Variants in FAP observed in about 807,000 individuals in gnomAD.
The protein encoded by FAP is fibroblast activation protein alpha.
Under a neutral mutation model 126.5 loss-of-function variants are expected in FAP, and 110 were observed. The observed-to-expected ratio is 0.87, with a 90% CI of 0.74 to 1.02. FAP has a LOEUF of 1.02. FAP is among the 50% of genes least tolerant of loss of function. The pLI is 0.00. For synonymous variants in FAP, 334 were observed against 297.3 expected (o/e 1.12, Z -1.27); for missense variants, 919 against 909.2 (o/e 1.01, Z -0.14).
Position 162,225,472 on chromosome 2 carries a change from T to A in FAP, c.285+11A>T, listed in dbSNP as rs2106286104. 2 of 1,594,232 alleles carry A rather than the reference T, an allele frequency of 1.3e-6. No individual in the cohort carries two copies. Among genetic ancestry groups the A allele is most frequent in the East Asian group, 4.5e-5 (2 of 44,346 alleles). ...AGGTTTCTGAGGGGGAAGATGATGT[T>A]GGATACATACCATGGTTCTATTACT... On this transcript the variant is annotated intron_variant, in intron 4 of 25. Coordinates refer to ENST00000188790, the MANE Select transcript of FAP (RefSeq NM_004460.5).
chr2:162,181,636 T>C (rs1687699144), intron 21 of FAP, among the ~76,000 whole-genome samples: 1 of 152,202 alleles, frequency 6.6e-6, no homozygotes, highest in Non-Finnish European at 1.5e-5. Context: ...TTATCCACTC[T>C]TGTCCCCCTG....
chr2:162,223,298 G>A (rs1421183767), intron 6 of FAP, among the ~76,000 whole-genome samples: 1 of 151,954 alleles, frequency 6.6e-6, no homozygotes, highest in Admixed American at 6.6e-5. Context: ...TTCCAAGAAT[G>A]TTTTTGTGCT....
At chr2:162,240,119 G>A (rs1690288814) in intron 2 of FAP, among the ~76,000 whole-genome samples, 1 of 152,198 alleles carries the variant, frequency 6.6e-6, no homozygotes, top group South Asian at 2.1e-4. Context: ...AATGGAGGTA[G>A]GAGAGAGGAA....
chr2:162,205,599 T>A (rs556638724), intron 12 of FAP, among the ~76,000 whole-genome samples: 113 of 152,222 alleles, frequency 7.4e-4, no homozygotes, highest in Non-Finnish European at 1.3e-3. Context: ...TCACAACCTC[T>A]GTCGCCCGGG....
chr2:162,191,264 A>G (rs1008719813), intron 17 of FAP, among the ~76,000 whole-genome samples: 20 of 152,080 alleles, frequency 1.3e-4, no homozygotes, highest in Admixed American at 5.2e-4. Flanking sequence ...TAGCTATCGA[A>G]CTTTTCTGAT....
intron 21 of FAP, among the ~76,000 whole-genome samples, chr2:162,183,145 CA>C (rs1687748630): frequency 6.6e-6 from 1 of 151,938 alleles, no homozygotes; most frequent in Non-Finnish European, 1.5e-5. Context: ...TGGTTCAGTT[CA>C]GTATGCTATA....
At chr2:162,211,650 G>A (rs1025070004) in intron 11 of FAP, among the ~76,000 whole-genome samples, 3 of 151,864 alleles carry the variant, frequency 2.0e-5, no homozygotes, top group Admixed American at 6.6e-5. Context: ...GATAAGACTC[G>A]GAAAAAATAG....
At chr2:162,190,884 T>G (rs966765527) in intron 17 of FAP, among the ~76,000 whole-genome samples, 1 of 152,140 alleles carries the variant, frequency 6.6e-6, no homozygotes, top group African/African-American at 2.4e-5. Flanking sequence ...TGCTCCAACA[T>G]GTTATATTTA....
At position 162,215,956 on chromosome 2, in the gene FAP, T is replaced by G. The variant is rs1232135786; in HGVS notation, c.808A>C (p.Thr270Pro). Reference sequence around the variant, plus strand: ...TGGGGACCTACATACGCAGGGTAAGTGGTATCGATAATAAATATCCGAACA... The same window carrying G: ...TGGGGACCTACATACGCAGGGTAAGGGGTATCGATAATAAATATCCGAACA... ...PVVRIFIIDTTYPAYVGPQEV... is the reference protein window; with the variant it reads ...PVVRIFIIDTPYPAYVGPQEV... Residue 270 changes from threonine (T) to proline (P), a missense_variant, in exon 10 of 26, where the codon ACT becomes CCT. Coordinates refer to ENST00000188790, the MANE Select transcript of FAP (RefSeq NM_004460.5). 1 of 1,614,022 alleles carries G rather than the reference T, an allele frequency of 6.2e-7. No individual in the cohort carries two copies. The highest frequency in any genetic ancestry group is 8.5e-7 in the Non-Finnish European group (1 of 1,180,000).
At chr2:162,194,979 A>G (rs1001574901) in intron 16 of FAP, 4 of 546,582 alleles carry the variant, frequency 7.3e-6, no homozygotes, top group African/African-American at 3.8e-5. Context: ...TTGCCTGTGC[A>G]CTTTTCCAAG....
chr2:162,199,552 A>T (rs7564592), intron 15 of FAP, among the ~76,000 whole-genome samples: 5,485 of 152,236 alleles, frequency 0.036, 336 homozygotes, highest in African/African-American at 0.12. Flanking sequence ...ACACAGACTC[A>T]GGGACCTTAT....
chr2:162,200,028 G>T (rs1053136596), intron 15 of FAP, among the ~76,000 whole-genome samples: 2 of 152,126 alleles, frequency 1.3e-5, no homozygotes, highest in African/African-American at 4.8e-5. Context: ...ATTAAAAGGT[G>T]CCTGGCATAT....
intron 4 of FAP, 21 bp downstream of exon 4, chr2:162,225,462 A>C (rs371293568): frequency 3.8e-6 from 6 of 1,589,108 alleles, no homozygotes; most frequent in Non-Finnish European, 5.1e-6. Flanking sequence ...TCTGAGGGGG[A>C]AGATGATGTT....
At chr2:162,189,814 T>A in intron 17 of FAP, 60 bp from the exon 18 acceptor site, 1 of 984,830 alleles carries the variant, frequency 1.0e-6, no homozygotes. Context: ...ATTTTTTTCC[T>A]TAAAATTCCT....
chr2:162,225,638 A>G, intron 3 of FAP, 61 bp from the exon 4 acceptor site: 1 of 1,473,592 alleles, frequency 6.8e-7, no homozygotes, highest in Non-Finnish European at 9.1e-7. Flanking sequence ...TACATTCCTA[A>G]CAAAAGAAAC....
rs566924644 is a variant in FAP, at chr2:162,199,868, C to T, written c.1277+698G>A. On this transcript the variant is annotated intron_variant, in intron 15 of 25. Coordinates refer to ENST00000188790, the MANE Select transcript of FAP (RefSeq NM_004460.5). ...TTAGGGTTAGTATGTTAACATATGT[C>T]CCTATTCGGGTGGAACTTTGGAAAC... 3.9e-5 allele frequency among the ~76,000 whole-genome samples: 6 copies of T among 152,212 alleles called. No individual in the cohort carries two copies. In the South Asian group the frequency reaches 8.3e-4, roughly 21 times the overall value.
At chr2:162,225,775 T>C (rs547727178) in intron 3 of FAP, among the ~76,000 whole-genome samples, 198 bp from the exon 4 acceptor site, 1 of 152,234 alleles carries the variant, frequency 6.6e-6, no homozygotes, top group African/African-American at 2.4e-5. Flanking sequence ...CACACAAAGA[T>C]GCCACATTTG....
chr2:162,239,170 G>A (rs781356219), intron 2 of FAP, among the ~76,000 whole-genome samples: 35 of 151,862 alleles, frequency 2.3e-4, no homozygotes, highest in African/African-American at 6.3e-4. Context: ...TAGCTGGGAC[G>A]AAAGGTGCAT....
intron 2 of FAP, among the ~76,000 whole-genome samples, chr2:162,234,073 C>T (rs1249171400): frequency 6.6e-6 from 1 of 152,100 alleles, no homozygotes; most frequent in Non-Finnish European, 1.5e-5. Flanking sequence ...TATATCTATC[C>T]TTATGCCAGT....
Sources: allele counts gnomAD v4.1 joint callset (sites outside exome capture counted in the v4.1 genomes callset), GRCh38; gene constraint gnomAD v4.1.1; transcripts MANE v1.5; gene names NCBI Gene and HGNC (gene_info 2026-07-23, HGNC 2026-07-21).